LRRTM4: variants seen among roughly 807,000 people sequenced by gnomAD.
The protein encoded by LRRTM4 is leucine-rich repeat transmembrane neuronal protein 4.
A neutral mutation model predicts 47.6 loss-of-function variants in LRRTM4; 25 were observed. The ratio of observed to expected loss-of-function variants is 0.53; its 90% CI spans 0.38 to 0.73. The LOEUF (loss-of-function observed/expected upper bound fraction) is 0.73. Among genes scored for constraint, LRRTM4 ranks in the 30% least tolerant of loss-of-function variants. LRRTM4 has a pLI of 0.00. For missense variants in LRRTM4, 638 were observed against 713.4 expected (o/e 0.89, Z 1.20); for synonymous variants, 311 against 269.5 (o/e 1.15, Z -1.51).
intron 3 of LRRTM4, among the ~76,000 whole-genome samples, chr2:76,827,570 T>A (rs369554930): frequency 1.3e-5 from 2 of 152,014 alleles, no homozygotes; most frequent in East Asian, 1.9e-4. Context: ...TTTCATAGCA[T>A]TGAAACATTT....
At chr2:76,803,820 C>G (rs770425027) in intron 3 of LRRTM4, among the ~76,000 whole-genome samples, 1 of 152,132 alleles carries the variant, frequency 6.6e-6, no homozygotes, top group African/African-American at 2.4e-5. Context: ...CCTGAAACAT[C>G]TGTACAAACA....
chr2:77,137,306 T>A (rs2103748945), intron 3 of LRRTM4, among the ~76,000 whole-genome samples: 1 of 151,762 alleles, frequency 6.6e-6, no homozygotes, highest in East Asian at 1.9e-4. Context: ...CCAGAAAGAG[T>A]GGGGGCCAAT....
At chr2:76,910,805 T>G (rs1674026730) in intron 3 of LRRTM4, among the ~76,000 whole-genome samples, 1 of 152,216 alleles carries the variant, frequency 6.6e-6, no homozygotes, top group South Asian at 2.1e-4. Context: ...TCTCTTATTT[T>G]TCTTTTAACA....
chr2:77,360,511 CG>C (rs1672159067), intron 3 of LRRTM4, among the ~76,000 whole-genome samples: 2 of 150,314 alleles, frequency 1.3e-5, no homozygotes, highest in Admixed American at 6.6e-5. Context: ...CGATACGATA[CG>C]ATACGATACG....
At chr2:77,434,517 A>ATTAATT (rs1201272926) in intron 3 of LRRTM4, among the ~76,000 whole-genome samples, 12 of 152,176 alleles carry the variant, frequency 7.9e-5, no homozygotes. Flanking sequence ...ACAGTCTTAA[A>ATTAATT]AGAGCTGGTG....
intron 3 of LRRTM4, among the ~76,000 whole-genome samples, chr2:77,030,797 T>C (rs1376287500): frequency 1.3e-5 from 2 of 152,220 alleles, no homozygotes; most frequent in Non-Finnish European, 2.9e-5. Context: ...TTTAAAGTTT[T>C]AATAAGTAAT....
At chr2:77,059,598 A>G (rs1341208949) in intron 3 of LRRTM4, among the ~76,000 whole-genome samples, 1 of 152,138 alleles carries the variant, frequency 6.6e-6, no homozygotes, top group African/African-American at 2.4e-5. Context: ...TTTCTTTTCA[A>G]ATGAGTTACA....
At chr2:77,019,721 T>C (rs1423022450) in intron 3 of LRRTM4, among the ~76,000 whole-genome samples, 2 of 152,098 alleles carry the variant, frequency 1.3e-5, no homozygotes, top group East Asian at 1.9e-4. Context: ...TTGGTTATAA[T>C]AACATATTAT....
intron 3 of LRRTM4, among the ~76,000 whole-genome samples, chr2:77,180,302 CA>C (rs1232302049): frequency 6.6e-6 from 1 of 152,120 alleles, no homozygotes; most frequent in Non-Finnish European, 1.5e-5. Flanking sequence ...AATACTGGTA[CA>C]TAGCAAACTA....
intron 3 of LRRTM4, among the ~76,000 whole-genome samples, chr2:77,367,423 C>G (rs551544149): frequency 6.6e-6 from 1 of 151,774 alleles, no homozygotes; most frequent in African/African-American, 2.4e-5. Flanking sequence ...TTATTAACAA[C>G]TTGTTTAGAA....
intron 3 of LRRTM4, among the ~76,000 whole-genome samples, chr2:77,131,072 G>A (rs1671790381): frequency 6.6e-6 from 1 of 150,488 alleles, no homozygotes; most frequent in African/African-American, 2.4e-5. Flanking sequence ...CTGACCTCGT[G>A]ATCCGCCCGC....
intron 3 of LRRTM4, among the ~76,000 whole-genome samples, chr2:76,906,463 A>G (rs778265319): frequency 6.6e-6 from 1 of 152,136 alleles, no homozygotes; most frequent in Non-Finnish European, 1.5e-5. Flanking sequence ...ACCAGCTAAC[A>G]TCATCAAGAC....
At chr2:77,228,217 T>C (rs918950851) in intron 3 of LRRTM4, among the ~76,000 whole-genome samples, 10 of 152,134 alleles carry the variant, frequency 6.6e-5, no homozygotes, top group Non-Finnish European at 2.9e-5. Flanking sequence ...TCCAAATCCA[T>C]GATATTTCTA....
At chr2:77,375,294 G>T (rs1306310212) in intron 3 of LRRTM4, among the ~76,000 whole-genome samples, 1 of 151,608 alleles carries the variant, frequency 6.6e-6, no homozygotes, top group Non-Finnish European at 1.5e-5. Context: ...ATATACAAAA[G>T]AACTATACAT....
chr2:77,237,436 C>T (rs796572153), intron 3 of LRRTM4, among the ~76,000 whole-genome samples: 7 of 152,050 alleles, frequency 4.6e-5, no homozygotes, highest in African/African-American at 1.7e-4. Flanking sequence ...TTGATATTCT[C>T]TCTTTTTTGC....
intron 3 of LRRTM4, among the ~76,000 whole-genome samples, chr2:76,785,716 G>C (rs1037312045): frequency 1.3e-5 from 2 of 152,026 alleles, no homozygotes; most frequent in Middle Eastern, 3.2e-3. Flanking sequence ...TTAATATGTT[G>C]CCAATATTTA....
chr2:77,261,212 AAGCGT>A (rs1675910185), intron 3 of LRRTM4, among the ~76,000 whole-genome samples: 1 of 152,124 alleles, frequency 6.6e-6, no homozygotes, highest in African/African-American at 2.4e-5. Flanking sequence ...AAGTAAGCCA[AAGCGT>A]AGTGCAGAAA....
At chr2:77,140,588 C>T (rs1288610517) in intron 3 of LRRTM4, among the ~76,000 whole-genome samples, 1 of 152,112 alleles carries the variant, frequency 6.6e-6, no homozygotes, top group Admixed American at 6.5e-5. Flanking sequence ...GACTAAAACA[C>T]CAAAAGCAAT....
chr2:77,058,939 T>G (rs927059635), intron 3 of LRRTM4, among the ~76,000 whole-genome samples: 1 of 152,002 alleles, frequency 6.6e-6, no homozygotes, highest in African/African-American at 2.4e-5. Context: ...ATAAATATAC[T>G]TAGAAATTAG....
Sources: gnomAD v4.1 joint callset for allele counts (sites outside exome capture counted in the v4.1 genomes callset) on GRCh38, gnomAD v4.1.1 for gene constraint, MANE v1.5 for transcripts, NCBI Gene and HGNC (gene_info 2026-07-23, HGNC 2026-07-21) for gene names.